The following KRT74 variants were observed in gnomAD, a reference collection of about 807,000 sequenced individuals.
The protein encoded by KRT74 is keratin 74.
KRT74 carries 43 observed loss-of-function variants against 42.7 expected under a neutral mutation model. The observed-to-expected ratio is 1.01, with a 90% CI of 0.79 to 1.30. The LOEUF (loss-of-function observed/expected upper bound fraction) is 1.30, where lower values mean the gene tolerates loss of function less well. Among genes scored for constraint, KRT74 ranks in the 50% most tolerant of loss-of-function variants. KRT74 has a pLI of 0.00. For missense variants in KRT74, 736 were observed against 689.1 expected, an observed-to-expected ratio of 1.07 and a Z score of -0.76; for synonymous variants, 302 against 279.0, an observed-to-expected ratio of 1.08 and a Z score of -0.82.
At position 52,572,614 on chromosome 12, in the gene KRT74, C is replaced by T. The variant is rs756270657; in HGVS notation, c.525G>A (p.Leu175=). 2 of 1,614,206 alleles carry T rather than the reference C, an allele frequency of 1.2e-6. No individual in the cohort carries two copies. Among genetic ancestry groups the T allele is most frequent in the South Asian group, 2.2e-5 (2 of 91,082 alleles). The change falls in exon 2 of 9, where the codon CTG becomes CTA. Residue 175 remains leucine, a synonymous_variant. Transcript: ENST00000305620. ...NQVLETKWEL[L]QQLDLNNCKK... ...TGCAGTTGTTCAGGTCCAGCTGCTG[C>T]AGCAGCTCCCACTTGGTTTCTAGAA...
chr12:52,571,825 G>A, intron 3 of KRT74, 119 bp downstream of exon 3: 1 of 800,022 alleles, frequency 1.2e-6, no homozygotes, highest in Non-Finnish European at 2.3e-6. Context: ...CCCTCACCAG[G>A]CACCAGCCCC....
At position 52,566,744 on chromosome 12, in the gene KRT74, G is replaced by A. The variant is rs1939388085; in HGVS notation, c.*225C>T. 1 of 433,300 alleles carries A rather than the reference G, an allele frequency of 2.3e-6. No individual in the cohort carries two copies. The highest frequency in any genetic ancestry group is 4.1e-6 in the Non-Finnish European group (1 of 244,330). 26.8% of individuals were successfully genotyped at this position (433,300 alleles called of 1,614,324 possible). On this transcript the variant is annotated 3_prime_UTR_variant, in exon 9 of 9. Coordinates refer to ENST00000305620, the MANE Select transcript of KRT74 (RefSeq NM_175053.4). ...CAAAGCCTCCTGCCAGCCAAAGGCA[G>A]CGAGGAAAATGAGAAGTCGTTAGTC...
In KRT74 at chr12:52,573,503, C is replaced by T; in HGVS notation, c.275G>A (p.Ser92Asn). 2 of 1,614,224 alleles carry T rather than the reference C, an allele frequency of 1.2e-6. No homozygotes were observed. The highest frequency in any genetic ancestry group is 1.7e-6 in the Non-Finnish European group (2 of 1,180,050). ...GGGRASGFAGSMFGSVALGPA... is the reference protein window; with the variant it reads ...GGGRASGFAGNMFGSVALGPA... ...CCCCAGGGCCACACTGCCAAACATA[C>T]TGCCAGCAAAGCCACTGGCCCGGCC... The change falls in exon 1 of 9, where the codon AGT becomes AAT. Residue 92 changes from serine (S) to asparagine (N), a missense_variant. Physicochemically the swap from Ser to Asn is conservative, Grantham distance 46. Transcript: ENST00000305620.
chr12:52,569,744 G>T, intron 6 of KRT74, 115 bp downstream of exon 6: 2 of 1,369,098 alleles, frequency 1.5e-6, no homozygotes, highest in Non-Finnish European at 2.1e-6. Flanking sequence ...GTGGGTGGCC[G>T]AGGGACCCCT....
At chr12:52,570,068 GC>G in intron 5 of KRT74, 84 bp from the exon 6 acceptor site, 1 of 1,493,080 alleles carries the variant, frequency 6.7e-7, no homozygotes, top group Middle Eastern at 1.7e-4. Context: ...TGCCACCCTG[GC>G]TGTCGGTGGG....
intron 1 of KRT74, 106 bp downstream of exon 1, chr12:52,573,201 A>T: frequency 8.9e-7 from 1 of 1,125,512 alleles, no homozygotes; most frequent in Non-Finnish European, 1.4e-6. Context: ...GCCCTTCCTG[A>T]GGCCCAGCTG....
chr12:52,573,655 A>C lies in KRT74; in HGVS notation c.123T>G (p.Ala41=), dbSNP rs767252774. 6.2e-7 allele frequency: 1 copy of C among 1,614,196 alleles called. No homozygotes were observed. Residue 41 remains alanine, a synonymous_variant, in exon 1 of 9, where the codon GCT becomes GCG. Coordinates refer to ENST00000305620, the MANE Select transcript of KRT74 (RefSeq NM_175053.4). Reference sequence around the variant, plus strand: ...GGCTCCGACTGCCAAAGCCAGCGCCAGCCCCTCTGCCAGCTGCACAGTAAG... The same window carrying C: ...GGCTCCGACTGCCAAAGCCAGCGCCCGCCCCTCTGCCAGCTGCACAGTAAG... ...LASYCAAGRG[A]GAGFGSRSLY...
At position 52,572,593 on chromosome 12, in the gene KRT74, G is replaced by T. The variant is rs752506257; in HGVS notation, c.546C>A (p.Asn182Lys). 38 of 1,614,076 alleles carry T rather than the reference G, an allele frequency of 2.4e-5. No homozygotes were observed. The highest frequency in any genetic ancestry group is 3.1e-5 in the Non-Finnish European group (37 of 1,180,044). ...GGATGGGCTCCAGGTTCTTCTTGCA[G>T]TTGTTCAGGTCCAGCTGCTGCAGCA... The part of the protein sequence containing the change: ...WELLQQLDLN[N>K]CKKNLEPILE... The change falls in exon 2 of 9, where the codon AAC becomes AAA. Residue 182 changes from asparagine (N) to lysine (K), a missense_variant. Asn to Lys is a moderately conservative substitution (Grantham distance 94). Coordinates refer to ENST00000305620, the MANE Select transcript of KRT74 (RefSeq NM_175053.4).
chr12:52,566,913 T>G lies in KRT74; in HGVS notation c.*56A>C. The stretch of plus-strand genomic sequence containing the variant: ...GGAACTTGGGTGTGGCAGACACCTT[T>G]GGGGGTGGCAAAGTCACCTCTTCTT... On this transcript the variant is annotated 3_prime_UTR_variant, in exon 9 of 9. Coordinates refer to ENST00000305620, the MANE Select transcript of KRT74 (RefSeq NM_175053.4). 6.6e-7 allele frequency: 1 copy of G among 1,508,010 alleles called. No homozygotes were observed. Among genetic ancestry groups the G allele is most frequent in the Non-Finnish European group, 9.1e-7 (1 of 1,097,914 alleles). 93.4% of individuals were successfully genotyped at this position (1,508,010 alleles called of 1,614,324 possible).
At chr12:52,569,393 G>C in intron 6 of KRT74, 1 of 486,360 alleles carries the variant, frequency 2.1e-6, no homozygotes, top group Non-Finnish European at 3.6e-6. Flanking sequence ...AACCTGGTGT[G>C]GCCAACAGAG....
rs1939371000 is a variant in KRT74, at chr12:52,565,817, T to C, written c.*1152A>G. ...ACACTCAAGGACAACTTAATGAATATACAGCAGAAATTCAGAGTCTTTAAT... is the reference window on the plus strand; with the variant it reads ...ACACTCAAGGACAACTTAATGAATACACAGCAGAAATTCAGAGTCTTTAAT... On this transcript the variant is annotated 3_prime_UTR_variant, in exon 9 of 9. Coordinates refer to ENST00000305620, the MANE Select transcript of KRT74 (RefSeq NM_175053.4). 6.6e-6 allele frequency: 1 copy of C among 152,212 alleles called. No homozygotes were observed. Among genetic ancestry groups the C allele is most frequent in the African/African-American group, 2.4e-5 (1 of 41,428 alleles). 9.4% of individuals were successfully genotyped at this position (152,212 alleles called of 1,614,324 possible).
rs1313842123 is a variant in KRT74 at position 52,567,003 on chromosome 12, G to A, written c.1556C>T (p.Pro519Leu). ...GGCTTTCCTTGCTGGGATGCTGGCT[G>A]GGGTGCTCTTGCCCTGGGTGTCCTT... ...DLKDTQGKST[P>L]ASIPARKATR Residue 519 changes from proline (P) to leucine (L), a missense_variant, in exon 9 of 9, where the codon CCA becomes CTA. Transcript: ENST00000305620. 6.2e-7 allele frequency: 1 copy of A among 1,608,754 alleles called. No homozygotes were observed. Among genetic ancestry groups the A allele is most frequent in the Non-Finnish European group, 8.5e-7 (1 of 1,176,502 alleles).
intron 4 of KRT74, among the ~76,000 whole-genome samples, 172 bp downstream of exon 4, chr12:52,571,187 A>G (rs1939473976): frequency 6.6e-6 from 1 of 152,208 alleles, no homozygotes; most frequent in Non-Finnish European, 1.5e-5. Context: ...TCCTGTATGT[A>G]TGGCCTCCAA....
Position 52,568,226 on chromosome 12 carries a change from A to G in KRT74, c.1298T>C (p.Leu433Pro). 1 of 1,614,092 alleles carries G rather than the reference A, an allele frequency of 6.2e-7. No homozygotes were observed. The highest frequency in any genetic ancestry group is 8.5e-7 in the Non-Finnish European group (1 of 1,180,012). ...GGTGGCAATCTCCATGTCCAGGGCC[A>G]GTTTCAGGCTCATGAGCTCCTGGTA... ...REYQELMSLK[L>P]ALDMEIATYR... Residue 433 changes from leucine to proline, a missense_variant, in exon 7 of 9, where the codon CTG becomes CCG. Coordinates refer to ENST00000305620, the MANE Select transcript of KRT74 (RefSeq NM_175053.4).
intron 6 of KRT74, chr12:52,569,576 C>G: frequency 1.7e-6 from 1 of 599,112 alleles, no homozygotes; most frequent in Admixed American, 2.9e-5. Context: ...CCATTCATTA[C>G]CAGCTGGGGG....
In KRT74 at chr12:52,573,505, G is replaced by T. The variant is rs1245712335; in HGVS notation, c.273C>A (p.Gly91=). ...YGGGRASGFA[G]SMFGSVALGP... ...CCAGGGCCACACTGCCAAACATACT[G>T]CCAGCAAAGCCACTGGCCCGGCCCC... is the stretch of plus-strand genomic sequence containing the variant. The change falls in exon 1 of 9, where the codon GGC becomes GGA. Residue 91 remains glycine (G), a synonymous_variant. Transcript: ENST00000305620. The T allele has an allele frequency of 6.2e-7, 1 of 1,613,980 alleles. No homozygotes were observed. Among genetic ancestry groups the T allele is most frequent in the Non-Finnish European group, 8.5e-7 (1 of 1,180,052 alleles).
Position 52,565,877 on chromosome 12 carries a change from A to G in KRT74, c.*1092T>C, listed in dbSNP as rs1055455170. The stretch of plus-strand genomic sequence containing the variant: ...AGAGGAAATAGATGCTGCCATTCTT[A>G]GGAATATTTACACCCTGAGCCACGA... On this transcript the variant is annotated 3_prime_UTR_variant, in exon 9 of 9. Coordinates refer to ENST00000305620, the MANE Select transcript of KRT74 (RefSeq NM_175053.4). The G allele has an allele frequency of 4.6e-5, 7 of 152,244 alleles. No individual in the cohort carries two copies. The highest frequency in any genetic ancestry group is 1.7e-4 in the African/African-American group (7 of 41,450). 9.4% of individuals were successfully genotyped at this position (152,244 alleles called of 1,614,324 possible).
At position 52,568,268 on chromosome 12, in the gene KRT74, G is replaced by C; in HGVS notation, c.1256C>G (p.Ala419Gly). Residue 419 changes from alanine to glycine, a missense_variant, in exon 7 of 9, where the codon GCG (alanine) becomes GGG (glycine). Ala to Gly is a moderately conservative substitution (Grantham distance 60). Transcript: ENST00000305620. ...CTCCTGGTACTCGCGCAGCATCCGC[G>C]CCAGCTCCTCCTTGGCCTGGTGCAG... is the stretch of plus-strand genomic sequence containing the variant. ...GALHQAKEEL[A>G]RMLREYQELM... 1 of 1,614,134 alleles carries C rather than the reference G, an allele frequency of 6.2e-7. No homozygotes were observed. Among genetic ancestry groups the C allele is most frequent in the Non-Finnish European group, 8.5e-7 (1 of 1,180,030 alleles).
At position 52,566,216 on chromosome 12, in the gene KRT74, C is replaced by T. The variant is rs1172776366; in HGVS notation, c.*753G>A. 6.6e-6 allele frequency: 1 copy of T among 152,190 alleles called. No homozygotes were observed. Among genetic ancestry groups the T allele is most frequent in the Admixed American group, 6.5e-5 (1 of 15,272 alleles). 9.4% of individuals were successfully genotyped at this position (152,190 alleles called of 1,614,324 possible). A position where few individuals can be genotyped will look rare whatever the true frequency, so the allele number is the denominator to read the frequency against. ...GTGACTGGGGCCAGTTCAGCAGCCTCTTGGGATCAGGCTCCCAGTCTGTTC... is the reference window on the plus strand; with the variant it reads ...GTGACTGGGGCCAGTTCAGCAGCCTTTTGGGATCAGGCTCCCAGTCTGTTC... On this transcript the variant is annotated 3_prime_UTR_variant, in exon 9 of 9. Transcript: ENST00000305620.
Sources: gnomAD v4.1 joint callset for allele counts (sites outside exome capture counted in the v4.1 genomes callset) on GRCh38, gnomAD v4.1.1 for gene constraint, MANE v1.5 for transcripts, NCBI Gene and HGNC (gene_info 2026-07-23, HGNC 2026-07-21) for gene names.